Variants in PPP6R1 observed in about 807,000 individuals in gnomAD.
PPP6R1 encodes the protein serine/threonine-protein phosphatase 6 regulatory subunit 1.
In PPP6R1, 39 loss-of-function variants were observed where a neutral mutation model predicts 104.6. That is an observed-to-expected ratio of 0.37 (90% CI 0.29 to 0.49). The LOEUF (loss-of-function observed/expected upper bound fraction) is 0.49. Among genes scored for constraint, PPP6R1 ranks in the 20% least tolerant of loss-of-function variants. The pLI is 0.98. For synonymous variants in PPP6R1, 549 were observed against 479.0 expected, an observed-to-expected ratio of 1.15 and a Z score of -1.91; for missense variants, 1,181 against 1,155.8, an observed-to-expected ratio of 1.02 and a Z score of -0.32.
At chr19:55,239,130 TC>T (rs2087425160) in intron 15 of PPP6R1, 1 of 453,574 alleles carries the variant, frequency 2.2e-6, no homozygotes, top group Admixed American at 3.4e-5. Context: ...AGGGACCCGC[TC>T]TGTGTCCCCA....
chr19:55,245,220 CA>C lies in PPP6R1; in HGVS notation c.553-36del, dbSNP rs765116164. ...AGAAGGCGAGGGATGCATCGCTGTC[CA>C]CCACGCCCAGCCCCCCACCCCCAGA... On this transcript the variant is annotated intron_variant, in intron 4 of 23. Transcript: ENST00000412770. The surrounding 1 kb of genome is among the most constrained non-coding windows in gnomAD (Gnocchi z 6.4). 5.6e-6 allele frequency: 9 copies of C among 1,606,346 alleles called. No individual in the cohort carries two copies. The South Asian group carries it at 8.9e-5, about 16-fold the overall frequency.
At chr19:55,247,946 C>G (rs1317244530) in intron 1 of PPP6R1, among the ~76,000 whole-genome samples, 1 of 152,194 alleles carries the variant, frequency 6.6e-6, no homozygotes, top group Non-Finnish European at 1.5e-5. Context: ...TGACCCTGTC[C>G]CCATCTGGAG....
At chr19:55,252,919 G>A (rs1600118112) in intron 1 of PPP6R1, among the ~76,000 whole-genome samples, 1 of 152,068 alleles carries the variant, frequency 6.6e-6, no homozygotes. Flanking sequence ...TCAGGCCATC[G>A]GCCATGGCAG....
intron 1 of PPP6R1, among the ~76,000 whole-genome samples, chr19:55,249,324 C>T (rs114897239): frequency 4.5e-4 from 68 of 152,286 alleles, no homozygotes; most frequent in African/African-American, 1.5e-3. Context: ...TCACCTCAAC[C>T]TTCACCTCCC....
Position 55,236,675 on chromosome 19 carries a change from C to A in PPP6R1, c.1956G>T (p.Arg652Ser). ...CAGGTGGCTGGCCCAGACGGGCCCC[C>A]CTGGCCAGCTGGCTGCCCTGCCAGG... The part of the protein sequence containing the change: ...DGAWQGSQLA[R>S]GARLGQPPGV... The change falls in exon 17 of 24, where the codon AGG (arginine) becomes AGT (serine). Residue 652 changes from arginine (R) to serine (S), a missense_variant. Arg to Ser is a moderately radical substitution (Grantham distance 110). Around this residue, in one of 2 missense-constraint regions of PPP6R1, gnomAD observed 1,042 missense variants for 955.6 expected, o/e 1.09. Coordinates refer to ENST00000412770, the MANE Select transcript of PPP6R1 (RefSeq NM_014931.4). 6.3e-7 allele frequency: 1 copy of A among 1,598,840 alleles called. No individual in the cohort carries two copies. The highest frequency in any genetic ancestry group is 8.5e-7 in the Non-Finnish European group (1 of 1,173,004).
chr19:55,242,519 G>C (rs2087468038), intron 5 of PPP6R1, 31 bp from the exon 6 acceptor site: 1 of 1,586,422 alleles, frequency 6.3e-7, no homozygotes, highest in African/African-American at 1.3e-5. Context: ...TGAGGATCCT[G>C]GTCGGGCCAC....
chr19:55,244,086 G>C (rs1046185938), intron 5 of PPP6R1, among the ~76,000 whole-genome samples: 1 of 152,242 alleles, frequency 6.6e-6, no homozygotes, highest in Admixed American at 6.5e-5. Context: ...AGAGAGAAAA[G>C]AGAGAAGCAT....
intron 17 of PPP6R1, among the ~76,000 whole-genome samples, chr19:55,234,117 T>C (rs2087373597): frequency 6.6e-6 from 1 of 152,166 alleles, no homozygotes; most frequent in Non-Finnish European, 1.5e-5. Flanking sequence ...CGGCTAATTT[T>C]TGTATTTTTA....
Position 55,230,806 on chromosome 19 carries a change from G to A in PPP6R1, c.2538C>T (p.Ser846=). Residue 846 remains serine (S), a synonymous_variant, in exon 22 of 24, where the codon AGC becomes AGT. Transcript: ENST00000412770. ...QPPQTTEGEK[S]PEPLGLPQSQ... ...TTTGGGGAAGCCCCAAGGGCTCTGG[G>A]CTCTTCTCCCCTTCTGTGGTCTGGG... 2.5e-6 allele frequency: 4 copies of A among 1,601,152 alleles called. No individual in the cohort carries two copies. Among genetic ancestry groups the A allele is most frequent in the Non-Finnish European group, 3.4e-6 (4 of 1,178,264 alleles).
At chr19:55,254,543 G>A (rs939157164) in intron 1 of PPP6R1, among the ~76,000 whole-genome samples, 4 of 152,128 alleles carry the variant, frequency 2.6e-5, no homozygotes, top group African/African-American at 9.7e-5. Context: ...TCTGCCGCCA[G>A]GGAACCGGTG....
At chr19:55,246,632 G>C (rs1236449341) in intron 2 of PPP6R1, among the ~76,000 whole-genome samples, 1 of 152,154 alleles carries the variant, frequency 6.6e-6, no homozygotes, top group East Asian at 1.9e-4. Context: ...GGATCACCTG[G>C]GCCCGTGAAT....
downstream of PPP6R1, chr19:55,229,592 G>A (rs1417215599): frequency 6.6e-6 from 1 of 152,228 alleles, no homozygotes; most frequent in Non-Finnish European, 1.5e-5. Flanking sequence ...CCCACAGGTG[G>A]GGTAGACCTG....
intron 2 of PPP6R1, among the ~76,000 whole-genome samples, chr19:55,246,172 G>A (rs1433486711): frequency 6.6e-6 from 1 of 152,236 alleles, no homozygotes; most frequent in Non-Finnish European, 1.5e-5. Flanking sequence ...CTCCAGGACT[G>A]TGGGGAGGTA....
Position 55,239,814 on chromosome 19 carries a change from G to A in PPP6R1, c.1563+12C>T, listed in dbSNP as rs1321011443. ...CAGCAGGAGGAGTGCAGGAAGAGAAGCTGGGCCTCACCAGGTCCACCATGT... is the reference window on the plus strand; with the variant it reads ...CAGCAGGAGGAGTGCAGGAAGAGAAACTGGGCCTCACCAGGTCCACCATGT... On this transcript the variant is annotated intron_variant, in intron 13 of 23. Transcript: ENST00000412770. 6.2e-7 allele frequency: 1 copy of A among 1,613,186 alleles called. No homozygotes were observed. Among genetic ancestry groups the A allele is most frequent in the Admixed American group, 1.7e-5 (1 of 59,972 alleles).
chr19:55,246,905 C>G lies in PPP6R1; in HGVS notation c.199G>C (p.Asp67His), dbSNP rs748387739. The change falls in exon 2 of 24, where the codon GAT becomes CAT. Residue 67 changes from aspartate (D) to histidine (H), a missense_variant. By Grantham distance (81) the Asp-to-His change is moderately conservative (BLOSUM62 -1). Coordinates refer to ENST00000412770, the MANE Select transcript of PPP6R1 (RefSeq NM_014931.4). ...TAGCGCAGCCGCTCCTCACCGCTATCTGGCGGCTCCTGGGTGACCCAGGCC... is the reference window on the plus strand; with the variant it reads ...TAGCGCAGCCGCTCCTCACCGCTATGTGGCGGCTCCTGGGTGACCCAGGCC... ...MVAWVTQEPP[D>H]SGEERLRYKY... The G allele has an allele frequency of 3.1e-6, 5 of 1,611,810 alleles. No homozygotes were observed. The highest frequency in any genetic ancestry group is 4.2e-6 in the Non-Finnish European group (5 of 1,178,886).
rs548356156 is a variant in PPP6R1, at chr19:55,239,319, G to A, written c.1751+86C>T. ...GCAGGCTGAGCCCACAGGGCATGTAGGTGCGTGCAGGGGACAGATACAAGT... is the reference window on the plus strand; with the variant it reads ...GCAGGCTGAGCCCACAGGGCATGTAAGTGCGTGCAGGGGACAGATACAAGT... On this transcript the variant is annotated intron_variant, in intron 15 of 23. Coordinates refer to ENST00000412770, the MANE Select transcript of PPP6R1 (RefSeq NM_014931.4). The A allele has an allele frequency of 3.8e-6, 5 of 1,321,702 alleles. No individual in the cohort carries two copies. In the East Asian group the frequency reaches 1.2e-4, roughly 33 times the overall value. The allele number at this position is 1,321,702 out of a possible 1,614,324, so 81.9% of individuals were successfully genotyped here. A position where few individuals can be genotyped will look rare whatever the true frequency, so the allele number is the denominator to read the frequency against.
intron 17 of PPP6R1, 161 bp from the exon 18 acceptor site, chr19:55,232,372 G>T (rs2087357403): frequency 2.7e-6 from 3 of 1,115,100 alleles, no homozygotes; most frequent in Non-Finnish European, 3.7e-6. Context: ...ACCAGGAGAG[G>T]CTGGGAGAGG....
chr19:55,244,538 G>A (rs11878718), intron 5 of PPP6R1, among the ~76,000 whole-genome samples: 4,216 of 152,304 alleles, frequency 0.028, 193 homozygotes, highest in African/African-American at 0.096. Flanking sequence ...GGGCAGGGAC[G>A]GATGTGGGGC....
At chr19:55,242,528 A>C in intron 5 of PPP6R1, 40 bp from the exon 6 acceptor site, 1 of 1,555,936 alleles carries the variant, frequency 6.4e-7, no homozygotes, top group Non-Finnish European at 8.9e-7. Flanking sequence ...TGGTCGGGCC[A>C]CCGGGCCCTC....
Sources: allele counts gnomAD v4.1 joint callset (sites outside exome capture counted in the v4.1 genomes callset), GRCh38; gene constraint gnomAD v4.1.1; regional missense constraint gnomAD v4.1.1; non-coding constraint Gnocchi (gnomAD v3.1); transcripts MANE v1.5; gene names NCBI Gene and HGNC (gene_info 2026-07-23, HGNC 2026-07-21).